DPP10: variants seen among roughly 807,000 people sequenced by gnomAD.
DPP10 encodes the protein dipeptidyl peptidase like 10, also known as inactive dipeptidyl peptidase 10.
In DPP10, 33 loss-of-function variants were observed where a neutral mutation model predicts 120.9. The ratio of observed to expected loss-of-function variants is 0.27; its 90% CI spans 0.21 to 0.37. The LOEUF (loss-of-function observed/expected upper bound fraction) is 0.37. DPP10 is among the 10% of genes least tolerant of loss of function. DPP10 has a pLI of 1.00. For missense variants in DPP10, 816 were observed against 942.8 expected (o/e 0.87, Z 1.76); for synonymous variants, 337 against 326.1 (o/e 1.03, Z -0.36).
intron 2 of DPP10, among the ~76,000 whole-genome samples, chr2:115,309,763 A>T (rs1003951687): frequency 1.3e-5 from 2 of 152,058 alleles, no homozygotes; most frequent in Admixed American, 6.6e-5. Context: ...ATTTGATGGA[A>T]AAAGATCAGA....
At chr2:114,743,294 C>T (rs990466798) in intron 1 of DPP10, among the ~76,000 whole-genome samples, 1 of 152,124 alleles carries the variant, frequency 6.6e-6, no homozygotes, top group Non-Finnish European at 1.5e-5. Flanking sequence ...GATTCCCCAA[C>T]TGTCTTCGGG....
chr2:115,244,220 A>ATG (rs2058418887), intron 1 of DPP10, among the ~76,000 whole-genome samples: 1 of 58,020 alleles, frequency 1.7e-5, no homozygotes, highest in Non-Finnish European at 3.0e-5. Context: ...GTGTGTGTAT[A>ATG]TATATATATA....
intron 1 of DPP10, among the ~76,000 whole-genome samples, chr2:115,205,472 T>C (rs1217384065): frequency 6.6e-6 from 1 of 152,026 alleles, no homozygotes; most frequent in East Asian, 1.9e-4. Flanking sequence ...AGTTTGGAGG[T>C]TCCTCAGAGA....
chr2:115,744,467 T>G lies in DPP10; in HGVS notation c.853-1619T>G, dbSNP rs189991025. On this transcript the variant is annotated intron_variant, in intron 9 of 25. Transcript: ENST00000410059. ...CGGGCACTGTTGGGCTTGGGAGTAA[T>G]GAAAAGATTTGCAAATTCTGATCCA... Among the ~76,000 whole-genome samples, 354 of 150,402 alleles carry G rather than the reference T, an allele frequency of 2.4e-3. 28 individuals are homozygous for G. Among genetic ancestry groups the G allele is most frequent in the Non-Finnish European group, 7.4e-4 (50 of 67,854 alleles).
chr2:115,190,724 C>T (rs567198456), intron 1 of DPP10, among the ~76,000 whole-genome samples: 2 of 152,272 alleles, frequency 1.3e-5, no homozygotes, highest in South Asian at 4.1e-4. Context: ...AGAGAGCTAC[C>T]ATACAGCTCA....
At chr2:114,461,905 G>A in intron 1 of DPP10, 1 of 983,862 alleles carries the variant, frequency 1.0e-6, no homozygotes, top group Non-Finnish European at 1.2e-6. Flanking sequence ...AGGGAGATGA[G>A]AGCTGCGTGG....
intron 1 of DPP10, among the ~76,000 whole-genome samples, chr2:114,721,215 A>T (rs1464009818): frequency 6.6e-6 from 1 of 152,122 alleles, no homozygotes; most frequent in Non-Finnish European, 1.5e-5. Context: ...TCATTCTATC[A>T]TTCTTCTCTG....
At chr2:115,772,367 A>C (rs967480824) in intron 13 of DPP10, among the ~76,000 whole-genome samples, 8 of 152,170 alleles carry the variant, frequency 5.3e-5, no homozygotes, top group African/African-American at 1.9e-4. Flanking sequence ...TGATTAACAA[A>C]ACTGGAATAG....
chr2:114,664,116 G>A (rs920741418), intron 1 of DPP10, among the ~76,000 whole-genome samples: 4 of 151,902 alleles, frequency 2.6e-5, no homozygotes, highest in Non-Finnish European at 4.4e-5. Context: ...CCAATCCAGA[G>A]CATGAGAAAC....
chr2:115,065,838 A>G (rs1391476827), intron 1 of DPP10, among the ~76,000 whole-genome samples: 2 of 152,148 alleles, frequency 1.3e-5, no homozygotes, highest in East Asian at 1.9e-4. Flanking sequence ...GTTAGTTTTT[A>G]TTGAAACACG....
intron 1 of DPP10, among the ~76,000 whole-genome samples, chr2:114,766,912 C>T (rs753497449): frequency 1.1e-4 from 16 of 151,720 alleles, no homozygotes; most frequent in South Asian, 2.1e-4. Context: ...CACACACACA[C>T]GCACACACAT....
chr2:114,530,110 G>A (rs1008307435), intron 1 of DPP10, among the ~76,000 whole-genome samples: 12 of 152,032 alleles, frequency 7.9e-5, no homozygotes, highest in Non-Finnish European at 1.2e-4. Context: ...TCTGCCACAG[G>A]AGTTTGATTC....
At chr2:114,566,800 C>T (rs1354595704) in intron 1 of DPP10, among the ~76,000 whole-genome samples, 1 of 152,152 alleles carries the variant, frequency 6.6e-6, no homozygotes, top group Non-Finnish European at 1.5e-5. Flanking sequence ...AACATGTGTC[C>T]TTGGACAAGT....
At chr2:115,472,063 A>T (rs1712001) in intron 3 of DPP10, among the ~76,000 whole-genome samples, 2 of 152,104 alleles carry the variant, frequency 1.3e-5, no homozygotes, top group African/African-American at 4.8e-5. Context: ...AAATAAAAAA[A>T]CATTCCTTGA....
At chr2:114,635,254 T>A (rs779684967) in intron 1 of DPP10, among the ~76,000 whole-genome samples, 1 of 151,904 alleles carries the variant, frequency 6.6e-6, no homozygotes, top group Non-Finnish European at 1.5e-5. Flanking sequence ...TATAAAATCC[T>A]CTTAATAGCA....
intron 5 of DPP10, among the ~76,000 whole-genome samples, chr2:115,656,270 T>G (rs2088326718): frequency 6.6e-6 from 1 of 151,604 alleles, no homozygotes; most frequent in Non-Finnish European, 1.5e-5. Flanking sequence ...GTGTATCAAT[T>G]ATATATCAAT....
chr2:115,046,712 G>A (rs1345326074), intron 1 of DPP10, among the ~76,000 whole-genome samples: 1 of 152,038 alleles, frequency 6.6e-6, no homozygotes, highest in African/African-American at 2.4e-5. Context: ...ATTATGGAGT[G>A]AAGAACACAA....
At chr2:115,722,823 G>A (rs1352403796) in intron 7 of DPP10, among the ~76,000 whole-genome samples, 1 of 152,170 alleles carries the variant, frequency 6.6e-6, no homozygotes, top group Admixed American at 6.5e-5. Flanking sequence ...TGGGAAAACA[G>A]ATATTACTCT....
intron 3 of DPP10, among the ~76,000 whole-genome samples, chr2:115,466,868 A>G (rs184838075): frequency 6.6e-6 from 1 of 152,290 alleles, no homozygotes. Context: ...GAGTTGTGAT[A>G]CTAAAGAGAT....
Sources: gnomAD v4.1 joint callset for allele counts (sites outside exome capture counted in the v4.1 genomes callset) on GRCh38, gnomAD v4.1.1 for gene constraint, MANE v1.5 for transcripts, NCBI Gene and HGNC (gene_info 2026-07-23, HGNC 2026-07-21) for gene names.